The following GRIA3 variants were observed in gnomAD, a reference collection of about 807,000 sequenced individuals.
GRIA3 encodes glutamate ionotropic receptor AMPA type subunit 3.
Under a neutral mutation model 63.0 loss-of-function variants are expected in GRIA3, and 3 were observed. The ratio of observed to expected loss-of-function variants is 0.05; its 90% CI spans 0.02 to 0.12. The LOEUF (loss-of-function observed/expected upper bound fraction) is 0.12, where lower values mean the gene tolerates loss of function less well. Among genes scored for constraint, GRIA3 ranks in the 10% least tolerant of loss-of-function variants. The pLI, the probability that GRIA3 is intolerant of heterozygous loss-of-function variation, is 1.00. For missense variants in GRIA3, 347 were observed against 700.9 expected (o/e 0.50, Z 5.70); for synonymous variants, 274 against 257.9 (o/e 1.06, Z -0.60).
At chrX:123,464,087 C>T (rs1468633849) in intron 12 of GRIA3, among the ~76,000 whole-genome samples, 1 of 110,202 alleles carries the variant, frequency 9.1e-6, no homozygotes. Context: ...TAATAAAGGC[C>T]TTTCAATAAT....
chrX:123,401,871 C>A (rs1485257763), intron 7 of GRIA3, among the ~76,000 whole-genome samples: 1 of 111,800 alleles, frequency 8.9e-6, no homozygotes, highest in African/African-American at 3.3e-5. Flanking sequence ...AGTCTTTGAC[C>A]TTTACTTGCC....
Position 123,288,621 on chromosome X carries a change from C to T in GRIA3, c.508+35079C>T, listed in dbSNP as rs1462588197. Among the ~76,000 whole-genome samples, 8 of 111,559 alleles carry T rather than the reference C, an allele frequency of 7.2e-5. No individual in the cohort carries two copies. The East Asian group carries it at 2.2e-3, about 31-fold the overall frequency. On this transcript the variant is annotated intron_variant, in intron 3 of 15. Coordinates refer to ENST00000620443, the MANE Select transcript of GRIA3 (RefSeq NM_007325.5). ...AGTGGGCAAAGGATATGAACAGACA[C>T]TTATCAAAAGAAGACATTTACGTGG...
intron 5 of GRIA3, among the ~76,000 whole-genome samples, chrX:123,368,780 CAA>C (rs58125026): frequency 0.44 from 37,417 of 85,815 alleles, 5,993 homozygotes; most frequent in Middle Eastern, 0.65. Context: ...GATCATAATA[CAA>C]AAAAAAAAAA....
intron 2 of GRIA3, among the ~76,000 whole-genome samples, chrX:123,225,680 C>A (rs1472532745): frequency 9.0e-6 from 1 of 111,436 alleles, no homozygotes; most frequent in African/African-American, 3.3e-5. Flanking sequence ...TAGGATGAAT[C>A]AATTAATGTG....
chrX:123,364,080 G>A (rs1175966930), intron 5 of GRIA3, among the ~76,000 whole-genome samples: 1 of 111,728 alleles, frequency 9.0e-6, no homozygotes, highest in Non-Finnish European at 1.9e-5. Context: ...AAATAGAATT[G>A]GTGAAATGCA....
intron 12 of GRIA3, among the ~76,000 whole-genome samples, chrX:123,432,711 C>T (rs1248887383): frequency 8.9e-6 from 1 of 112,356 alleles, no homozygotes. Context: ...AGATACTAGT[C>T]ACACTGAAGT....
chrX:123,350,011 T>C (rs1378289404), intron 4 of GRIA3, among the ~76,000 whole-genome samples: 1 of 111,364 alleles, frequency 9.0e-6, no homozygotes, highest in Non-Finnish European at 1.9e-5. Flanking sequence ...CAGTATCTTT[T>C]TAAAAAAAAA....
At chrX:123,263,410 G>A (rs695214) in intron 3 of GRIA3, among the ~76,000 whole-genome samples, 6,081 of 111,917 alleles carry the variant, frequency 0.054, 173 homozygotes, top group Non-Finnish European at 0.076. Context: ...CTGCTTTGTC[G>A]ACTCCACAAA....
chrX:123,330,950 T>A (rs1234251910), intron 4 of GRIA3, among the ~76,000 whole-genome samples: 1 of 112,429 alleles, frequency 8.9e-6, no homozygotes, highest in African/African-American at 3.2e-5. Flanking sequence ...AAGACTTATT[T>A]AATAAATAGA....
chrX:123,209,106 G>A (rs1339731246), intron 2 of GRIA3, among the ~76,000 whole-genome samples: 1 of 111,379 alleles, frequency 9.0e-6, no homozygotes, highest in Non-Finnish European at 1.9e-5. Context: ...GACAGCAAGG[G>A]TGGAGGCCCT....
At chrX:123,280,158 A>G (rs1603065770) in intron 3 of GRIA3, among the ~76,000 whole-genome samples, 1 of 111,691 alleles carries the variant, frequency 9.0e-6, no homozygotes, top group Admixed American at 9.5e-5. Context: ...ATAGCTCCAA[A>G]TAGGGCTCCC....
rs764524783 is a variant in GRIA3 at position 123,394,988 on chromosome X, G to A, written c.771G>A (p.Leu257=). The A allele has an allele frequency of 2.5e-6, 3 of 1,194,131 alleles. No individual in the cohort carries two copies. Among genetic ancestry groups the A allele is most frequent in the East Asian group, 3.0e-5 (1 of 33,785 alleles). The change falls in exon 6 of 16, where the codon CTG becomes CTA. Residue 257 remains leucine (L), a synonymous_variant. Transcript: ENST00000620443. ...LANLGFTDIL[L]ERVMHGGANI... is the part of the protein sequence containing the mutation. ...TCCAGGGTTTTACTGATATTTTACT[G>A]GAAAGAGTCATGCATGGGGGAGCCA... is the stretch of plus-strand genomic sequence containing the variant.
intron 3 of GRIA3, among the ~76,000 whole-genome samples, chrX:123,300,360 C>CTTT (rs147031319): frequency 1.3e-4 from 3 of 22,515 alleles, no homozygotes; most frequent in Admixed American, 8.0e-4. Flanking sequence ...TGGTCCTGGG[C>CTTT]TTTTTTTTTT....
intron 3 of GRIA3, among the ~76,000 whole-genome samples, chrX:123,291,079 G>T (rs1019274027): frequency 1.8e-5 from 2 of 111,492 alleles, no homozygotes; most frequent in African/African-American, 6.5e-5. Flanking sequence ...AGGGAAACAG[G>T]ACACAGAACA....
chrX:123,251,456 G>A (rs2147281518), intron 2 of GRIA3, among the ~76,000 whole-genome samples: 1 of 111,322 alleles, frequency 9.0e-6, no homozygotes, highest in South Asian at 3.9e-4. Context: ...TTTTGAGACG[G>A]TGTCTCACTC....
chrX:123,486,070 G>GGGAA (rs750266019), intron 15 of GRIA3, among the ~76,000 whole-genome samples: 1 of 104,775 alleles, frequency 9.5e-6, no homozygotes, highest in African/African-American at 3.5e-5. Context: ...AAAGGAAGGA[G>GGGAA]GGAAGGAAGG....
chrX:123,349,396 G>A (rs2045077947), intron 4 of GRIA3, among the ~76,000 whole-genome samples: 1 of 112,140 alleles, frequency 8.9e-6, no homozygotes, highest in East Asian at 2.8e-4. Flanking sequence ...ATTCCATTGA[G>A]TCATGATGAA....
At chrX:123,311,526 T>C (rs1453392647) in intron 3 of GRIA3, among the ~76,000 whole-genome samples, 2 of 112,230 alleles carry the variant, frequency 1.8e-5, no homozygotes, top group Non-Finnish European at 3.8e-5. Flanking sequence ...ACTAGGAAAT[T>C]TGACAGAAAT....
rs1361111303 is a variant in GRIA3, at chrX:123,490,717, T to C, written c.*2007T>C. 8.9e-6 allele frequency: 1 copy of C among 112,426 alleles called. No homozygotes were observed. The highest frequency in any genetic ancestry group is 2.8e-4 in the East Asian group (1 of 3,592). The allele number at this position is 112,426 out of a possible 1,213,427, so 9.3% of individuals were successfully genotyped here. ...ACTTCAAGCTATGGGAGTTTGGCAG[T>C]AGTCACTTGAGGATTTTTTTTCCAA... On this transcript the variant is annotated 3_prime_UTR_variant, in exon 16 of 16. Transcript: ENST00000620443.
Sources: allele counts gnomAD v4.1 joint callset (sites outside exome capture counted in the v4.1 genomes callset), GRCh38; gene constraint gnomAD v4.1.1; transcripts MANE v1.5; gene names NCBI Gene and HGNC (gene_info 2026-07-23, HGNC 2026-07-21).